CUX2: variants seen among roughly 807,000 people sequenced by gnomAD.
CUX2 encodes the protein cut like homeobox 2.
CUX2 carries 40 observed loss-of-function variants against 144.8 expected under a neutral mutation model. The ratio of observed to expected loss-of-function variants is 0.28; its 90% confidence interval spans 0.21 to 0.36. CUX2 has a LOEUF of 0.36. Among genes scored for constraint, CUX2 ranks in the 10% least tolerant of loss-of-function variants. The probability of loss-of-function intolerance (pLI) is 1.00; values close to 1 mark genes in which losing one functional copy is unlikely to be tolerated. For missense variants in CUX2, 1,615 were observed against 1,994.0 expected (o/e 0.81, Z 3.62); for synonymous variants, 827 against 875.6 (o/e 0.94, Z 0.98).
chr12:111,136,993 A>G (rs1172741881), intron 1 of CUX2, among the ~76,000 whole-genome samples: 1 of 150,834 alleles, frequency 6.6e-6, no homozygotes, highest in Non-Finnish European at 1.5e-5. Flanking sequence ...GCTGGAGTGC[A>G]GTGGCACGAT....
chr12:111,065,772 G>T (rs1282050324), intron 1 of CUX2, among the ~76,000 whole-genome samples: 1 of 152,216 alleles, frequency 6.6e-6, no homozygotes, highest in Non-Finnish European at 1.5e-5. Context: ...TGGACCAGCA[G>T]CATCAGCATC....
intron 4 of CUX2, among the ~76,000 whole-genome samples, chr12:111,275,693 C>T (rs141205190): frequency 1.6e-4 from 24 of 152,338 alleles, no homozygotes; most frequent in African/African-American, 4.3e-4. Context: ...CCACATGATA[C>T]TGGAGACAGC....
In CUX2 at chr12:111,322,313, C is replaced by A; in HGVS notation, c.2767-108C>A. On this transcript the variant is annotated intron_variant, in intron 17 of 21. Transcript: ENST00000261726. This position sits in a 1 kb window ranked among gnomAD's most constrained non-coding sequence, Gnocchi z 4.2. ...ATCCTGGGCGACAGACAAAGCGAGA[C>A]TCTGCCTCAAAAAAAAAAAAAAAAA... 1 of 1,178,142 alleles carries A rather than the reference C, an allele frequency of 8.5e-7. No homozygotes were observed. Among genetic ancestry groups the A allele is most frequent in the Non-Finnish European group, 1.1e-6 (1 of 883,448 alleles). The allele number at this position is 1,178,142 out of a possible 1,614,324, so 73.0% of individuals were successfully genotyped here.
chr12:111,327,912 A>G (rs1454550962), intron 18 of CUX2, among the ~76,000 whole-genome samples: 1 of 152,086 alleles, frequency 6.6e-6, no homozygotes, highest in African/African-American at 2.4e-5. Context: ...AAAAATACAA[A>G]AATCAGCTGG....
chr12:111,094,184 C>T (rs567294286), intron 1 of CUX2, among the ~76,000 whole-genome samples: 42 of 152,260 alleles, frequency 2.8e-4, no homozygotes, highest in African/African-American at 9.9e-4. Context: ...TTCCTGAAAA[C>T]GAGGTATTTG....
chr12:111,156,869 C>A lies in CUX2; in HGVS notation c.64-57331C>A, dbSNP rs368195366. Among the ~76,000 whole-genome samples, 37 of 151,378 alleles carry A rather than the reference C, an allele frequency of 2.4e-4. No homozygotes were observed. In the East Asian group the frequency reaches 5.3e-3, roughly 22 times the overall value. On this transcript the variant is annotated intron_variant, in intron 1 of 21. Transcript: ENST00000261726. Reference sequence around the variant, plus strand: ...GCGCATGCCTGTAATCCCTGTAATCCCAGCTACTTGGGAAGCTGAGGCAGG... The same window carrying A: ...GCGCATGCCTGTAATCCCTGTAATCACAGCTACTTGGGAAGCTGAGGCAGG...
At chr12:111,309,970 T>A (rs1592949064) in intron 14 of CUX2, 71 bp from the exon 15 acceptor site, 2 of 1,241,932 alleles carry the variant, frequency 1.6e-6, no homozygotes, top group South Asian at 7.3e-5. Context: ...GTTCTTTTTC[T>A]CCCTGTCTCT....
intron 3 of CUX2, among the ~76,000 whole-genome samples, chr12:111,219,208 C>T (rs1342538044): frequency 6.6e-6 from 1 of 152,100 alleles, no homozygotes; most frequent in Non-Finnish European, 1.5e-5. Context: ...CGCTGATTTC[C>T]ATATTTTTCA....
intron 18 of CUX2, among the ~76,000 whole-genome samples, chr12:111,330,728 T>TATAC (rs1888077585): frequency 6.0e-5 from 3 of 50,144 alleles, no homozygotes; most frequent in African/African-American, 2.6e-4. Context: ...TATATATATA[T>TATAC]ATATATATAT....
intron 1 of CUX2, among the ~76,000 whole-genome samples, chr12:111,121,685 G>A (rs1874705250): frequency 6.6e-6 from 1 of 151,952 alleles, no homozygotes; most frequent in Admixed American, 6.6e-5. Context: ...TCTATAAATA[G>A]TACTTTACCC....
intron 1 of CUX2, among the ~76,000 whole-genome samples, chr12:111,115,194 C>T (rs1415874767): frequency 1.3e-5 from 2 of 149,212 alleles, no homozygotes; most frequent in East Asian, 2.0e-4. Flanking sequence ...TTTTCAATTT[C>T]TACAAGAAAC....
intron 1 of CUX2, chr12:111,099,870 C>T (rs1346403511): frequency 2.8e-5 from 12 of 433,192 alleles, no homozygotes; most frequent in East Asian, 7.0e-5. Context: ...CTGGCTCAAT[C>T]GAGAGCCAAA....
intron 3 of CUX2, among the ~76,000 whole-genome samples, chr12:111,230,497 T>C (rs373971825): frequency 6.6e-6 from 1 of 152,178 alleles, no homozygotes; most frequent in African/African-American, 2.4e-5. Context: ...CTGGTGATTA[T>C]GGGCACATGA....
intron 3 of CUX2, among the ~76,000 whole-genome samples, chr12:111,260,866 A>G (rs548726704): frequency 1.3e-5 from 2 of 152,272 alleles, no homozygotes; most frequent in Admixed American, 1.3e-4. Context: ...CACCACATGC[A>G]CTCAGCTCAG....
At chr12:111,080,266 C>T (rs376978658) in intron 1 of CUX2, among the ~76,000 whole-genome samples, 15 of 152,164 alleles carry the variant, frequency 9.9e-5, no homozygotes, top group East Asian at 1.9e-4. Flanking sequence ...CACCTACACA[C>T]GCAGCCCTCA....
rs113752018 is a variant in CUX2 at position 111,171,332 on chromosome 12, T to C, written c.64-42868T>C. Among the ~76,000 whole-genome samples, 707 of 152,264 alleles carry C rather than the reference T, an allele frequency of 4.6e-3. 11 individuals carry two copies. The highest frequency in any genetic ancestry group is 0.016 in the African/African-American group (678 of 41,558). ...TGAACACCTGAGCCCCTTAGTGCAT[T>C]GTGCAGCCTGCTGAGAGCACCAAAA... On this transcript the variant is annotated intron_variant, in intron 1 of 21. Coordinates refer to ENST00000261726, the MANE Select transcript of CUX2 (RefSeq NM_015267.4). The surrounding 1 kb of genome is among the most constrained non-coding windows in gnomAD (Gnocchi z 5.0).
chr12:111,056,661 C>CA (rs1288812381), intron 1 of CUX2, among the ~76,000 whole-genome samples: 5 of 152,200 alleles, frequency 3.3e-5, no homozygotes, highest in African/African-American at 4.8e-5. Context: ...GGGGCAGTAA[C>CA]AAAGGTGGGC....
chr12:111,111,147 C>A (rs1873926767), intron 1 of CUX2, among the ~76,000 whole-genome samples: 1 of 152,056 alleles, frequency 6.6e-6, no homozygotes, highest in African/African-American at 2.4e-5. Context: ...ACTAAAAATA[C>A]AAAAATTATC....
chr12:111,209,954 C>G (rs189123724), intron 1 of CUX2, among the ~76,000 whole-genome samples: 1 of 152,120 alleles, frequency 6.6e-6, no homozygotes, highest in Non-Finnish European at 1.5e-5. Flanking sequence ...GGCTGTCTGT[C>G]TGCTGCTGAT....
Sources: gnomAD v4.1 joint callset for allele counts (sites outside exome capture counted in the v4.1 genomes callset) on GRCh38, gnomAD v4.1.1 for gene constraint, Gnocchi (gnomAD v3.1) non-coding constraint, MANE v1.5 for transcripts, NCBI Gene and HGNC (gene_info 2026-07-23, HGNC 2026-07-21) for gene names.